Variants in EPHB4 observed in about 807,000 individuals in gnomAD.
EPHB4 encodes the protein EPH receptor B4.
In EPHB4, 50 loss-of-function variants were observed where a neutral mutation model predicts 110.6. The ratio of observed to expected loss-of-function variants is 0.45; its 90% CI spans 0.36 to 0.57. The LOEUF is 0.57. EPHB4 is among the 20% of genes least tolerant of loss of function. EPHB4 has a pLI of 0.00. For missense variants in EPHB4, 1,128 were observed against 1,382.1 expected (o/e 0.82, Z 2.91); for synonymous variants, 592 against 578.4 (o/e 1.02, Z -0.34).
chr7:100,807,197 AG>A (rs1444120464), intron 13 of EPHB4, among the ~76,000 whole-genome samples, 167 bp downstream of exon 13: 1 of 152,022 alleles, frequency 6.6e-6, no homozygotes, highest in Non-Finnish European at 1.5e-5. Flanking sequence ...TTATTTTCCT[AG>A]ACATCTGGAA....
At chr7:100,806,958 C>T (rs772359802) in intron 13 of EPHB4, among the ~76,000 whole-genome samples, 1 of 152,124 alleles carries the variant, frequency 6.6e-6, no homozygotes, top group Non-Finnish European at 1.5e-5. Flanking sequence ...GCGTGAGCCA[C>T]CACACCTGGC....
intron 1 of EPHB4, 78 bp from the exon 2 acceptor site, chr7:100,824,351 G>A (rs1813319209): frequency 8.1e-6 from 12 of 1,482,202 alleles, no homozygotes; most frequent in Non-Finnish European, 1.1e-5. Flanking sequence ...TGGGAACCGA[G>A]GCAGGTGGAT....
intron 4 of EPHB4, among the ~76,000 whole-genome samples, chr7:100,820,710 A>G (rs1813203400): frequency 6.6e-6 from 1 of 152,214 alleles, no homozygotes; most frequent in South Asian, 2.1e-4. Flanking sequence ...AAACCAATTA[A>G]GCTGAAATGC....
rs145080354 is a variant in EPHB4 at position 100,823,677 on chromosome 7, G to T, written c.378C>A (p.Leu126=). 6.2e-7 allele frequency: 1 copy of T among 1,613,344 alleles called. No homozygotes were observed. The highest frequency in any genetic ancestry group is 1.3e-5 in the African/African-American group (1 of 75,060). ...AGGGGTTCTCCATCCAGGCTGGCGT[G>T]AGGGCCGTGGCCGTGTCCGCATCGC... ...YESDADTATA[L]TPAWMENPYI... is the part of the protein sequence containing the mutation. Residue 126 remains leucine (L), a synonymous_variant, in exon 3 of 17, where the codon CTC becomes CTA. Transcript: ENST00000358173.
intron 7 of EPHB4, among the ~76,000 whole-genome samples, chr7:100,817,739 A>G (rs550169764): frequency 1.2e-4 from 18 of 151,926 alleles, no homozygotes; most frequent in African/African-American, 3.9e-4. Context: ...CTTGTTGGCC[A>G]GGCTGGTCTC....
chr7:100,813,309 T>TG, intron 10 of EPHB4, 101 bp from the exon 11 acceptor site: 2 of 664,598 alleles, frequency 3.0e-6, no homozygotes, highest in Non-Finnish European at 4.6e-6. Context: ...CTCCGTGGTT[T>TG]TTTTTTTTTT....
Position 100,824,190 on chromosome 7 carries a change from G to A in EPHB4, c.123+13C>T, listed in dbSNP as rs771308369. ...TTCCCTCCAGAGCTCCAGCTCCTGG[G>A]TGCAGCTCTCACCTGCCCGTCCACC... On this transcript the variant is annotated intron_variant, in intron 2 of 16. Coordinates refer to ENST00000358173, the MANE Select transcript of EPHB4 (RefSeq NM_004444.5). 1.2e-6 allele frequency: 2 copies of A among 1,614,114 alleles called. No homozygotes were observed. Among genetic ancestry groups the A allele is most frequent in the Non-Finnish European group, 1.7e-6 (2 of 1,179,982 alleles).
intron 12 of EPHB4, among the ~76,000 whole-genome samples, chr7:100,808,991 G>C (rs1282533688): frequency 6.6e-6 from 1 of 152,120 alleles, no homozygotes; most frequent in Non-Finnish European, 1.5e-5. Flanking sequence ...TCCAAGACAT[G>C]TCCCAAATCC....
intron 7 of EPHB4, among the ~76,000 whole-genome samples, chr7:100,817,931 A>G (rs556156231): frequency 2.5e-5 from 3 of 117,822 alleles, no homozygotes; most frequent in East Asian, 2.9e-4. Context: ...CAGTGGCGCT[A>G]TCTCGGCTCA....
Position 100,819,767 on chromosome 7 carries a change from CCCGGCAGCG to C in EPHB4, c.1078_1086del (p.Arg360_Arg362del). ...GCACAGGAGCCTCCGGGTCGGCACTCCCGGCAGCGGAGGGCGTAGGTGAGGTCCTCTCGG... is the reference window on the plus strand; with the variant it reads ...GCACAGGAGCCTCCGGGTCGGCACTCGAGGGCGTAGGTGAGGTCCTCTCGG... On this transcript the variant is annotated inframe_deletion, in exon 6 of 17. Coordinates refer to ENST00000358173, the MANE Select transcript of EPHB4 (RefSeq NM_004444.5). The C allele has an allele frequency of 6.3e-7, 1 of 1,596,576 alleles. No individual in the cohort carries two copies. Among genetic ancestry groups the C allele is most frequent in the Non-Finnish European group, 8.5e-7 (1 of 1,171,990 alleles).
intron 8 of EPHB4, among the ~76,000 whole-genome samples, chr7:100,814,464 G>A (rs1813019861): frequency 6.6e-6 from 1 of 152,118 alleles, no homozygotes; most frequent in Admixed American, 6.6e-5. Flanking sequence ...TTTTAGTAGA[G>A]ATGGGCTTTC....
chr7:100,814,793 T>C (rs1355186280), intron 8 of EPHB4, among the ~76,000 whole-genome samples: 4 of 151,642 alleles, frequency 2.6e-5, no homozygotes, highest in African/African-American at 4.8e-5. Flanking sequence ...GGTGGGAGGA[T>C]TGTGTGAGGC....
intron 7 of EPHB4, 137 bp from the exon 8 acceptor site, chr7:100,817,494 A>C: frequency 4.5e-6 from 4 of 884,876 alleles, no homozygotes; most frequent in Non-Finnish European, 4.9e-6. Context: ...GAACTTACGC[A>C]TGCAAGCCAT....
intron 11 of EPHB4, 47 bp from the exon 12 acceptor site, chr7:100,813,041 G>C: frequency 6.2e-7 from 1 of 1,612,244 alleles, no homozygotes; most frequent in East Asian, 2.2e-5. Context: ...CTCCAGTGTG[G>C]CCCTGCCCAC....
intron 3 of EPHB4, among the ~76,000 whole-genome samples, chr7:100,823,045 G>C (rs747672537): frequency 6.6e-6 from 1 of 152,190 alleles, no homozygotes; most frequent in South Asian, 2.1e-4. Context: ...CAGCACTTTA[G>C]GAGGCCGAGG....
Position 100,818,640 on chromosome 7 carries a change from A to T in EPHB4, c.1302T>A (p.Pro434=), listed in dbSNP as rs1441806524. 2 of 1,608,568 alleles carry T rather than the reference A, an allele frequency of 1.2e-6. No individual in the cohort carries two copies. Among genetic ancestry groups the T allele is most frequent in the African/African-American group, 2.7e-5 (2 of 74,910 alleles). Residue 434 remains proline (P), a synonymous_variant, in exon 7 of 17, where the codon CCT becomes CCA. Coordinates refer to ENST00000358173, the MANE Select transcript of EPHB4 (RefSeq NM_004444.5). ...TCACCCGGATGTCAGACACTGCAGG[A>T]GGTACTGTGAGAGGCAGAGACACAG... The part of the protein sequence containing the change: ...PVNVTTDREV[P]PAVSDIRVTR...
In EPHB4 at chr7:100,803,596, G is replaced by A; in HGVS notation, c.2835-6C>T. 1 of 1,598,478 alleles carries A rather than the reference G, an allele frequency of 6.3e-7. No homozygotes were observed. The highest frequency in any genetic ancestry group is 8.6e-7 in the Non-Finnish European group (1 of 1,169,462). ...CTCCGATTCGGAGCAGGTCCCTGCA[G>A]AAGGAAAGGAGAGCTTGGTGAGACC... On this transcript the variant is annotated splice_region_variant and splice_polypyrimidine_tract_variant and intron_variant, in intron 16 of 16. Coordinates refer to ENST00000358173, the MANE Select transcript of EPHB4 (RefSeq NM_004444.5).
At chr7:100,824,141 A>G in intron 2 of EPHB4, 62 bp downstream of exon 2, 1 of 1,608,186 alleles carries the variant, frequency 6.2e-7, no homozygotes, top group Non-Finnish European at 8.5e-7. Context: ...AGCAGGCGGC[A>G]CAGGCGCCCT....
At chr7:100,817,859 GTTTTTTTTTTTTT>G (rs33978512) in intron 7 of EPHB4, among the ~76,000 whole-genome samples, 3 of 47,090 alleles carry the variant, frequency 6.4e-5, no homozygotes, top group Admixed American at 4.2e-4. Flanking sequence ...TATTTTTTGC[GTTTTTTTTTTTTT>G]TTTTTTTTTT....
Sources: gnomAD v4.1 joint callset for allele counts (sites outside exome capture counted in the v4.1 genomes callset) on GRCh38, gnomAD v4.1.1 for gene constraint, MANE v1.5 for transcripts, NCBI Gene and HGNC (gene_info 2026-07-23, HGNC 2026-07-21) for gene names.